The following NBEAL1 variants were observed in gnomAD, a reference collection of about 807,000 sequenced individuals.
NBEAL1 encodes neurobeachin like 1, also known as neurobeachin-like protein 1.
Under a neutral mutation model 351.3 loss-of-function variants are expected in NBEAL1, and 273 were observed. The observed-to-expected ratio is 0.78, with a 90% CI of 0.70 to 0.86. NBEAL1 has a LOEUF of 0.86. Ranked by LOEUF, NBEAL1 falls within the 40% of genes least tolerant of loss-of-function variation. The pLI is 0.00. For synonymous variants in NBEAL1, 1,050 were observed against 1,086.4 expected (o/e 0.97, Z 0.66); for missense variants, 2,961 against 3,201.3 (o/e 0.92, Z 1.81).
At chr2:203,083,580 A>G (rs1165914669) in intron 9 of NBEAL1, 55 bp downstream of exon 9, 11 of 1,340,626 alleles carry the variant, frequency 8.2e-6, no homozygotes, top group Non-Finnish European at 1.0e-5. Context: ...TTTCATATCT[A>G]CCACTTTCTT....
Position 203,157,745 on chromosome 2 carries a change from A to C in NBEAL1, c.5634A>C (p.Val1878=). The C allele has an allele frequency of 6.3e-7, 1 of 1,599,564 alleles. No individual in the cohort carries two copies. Among genetic ancestry groups the C allele is most frequent in the Non-Finnish European group, 8.5e-7 (1 of 1,173,482 alleles). The stretch of plus-strand genomic sequence containing the variant: ...CCAGTGATACATTGCTTTTGGAAGT[A>C]GTGAAACAAGTAAAAGTTAGTGATA... The part of the protein sequence containing the change: ...QPSSDTLLLE[V]VKQVKVSDMV... Residue 1878 remains valine, a synonymous_variant, in exon 36 of 56, where the codon GTA becomes GTC. Transcript: ENST00000683969.
chr2:203,201,475 A>G, intron 49 of NBEAL1, 68 bp from the exon 50 acceptor site: 4 of 1,276,554 alleles, frequency 3.1e-6, no homozygotes, highest in South Asian at 2.8e-5. Flanking sequence ...GAGAGGTTTA[A>G]AAAGAATAGT....
intron 2 of NBEAL1, among the ~76,000 whole-genome samples, chr2:203,036,797 AG>A (rs1483017214): frequency 1.3e-5 from 2 of 149,234 alleles, no homozygotes; most frequent in Non-Finnish European, 1.5e-5. Context: ...AATTTGAACC[AG>A]ATACTATAGA....
intron 8 of NBEAL1, among the ~76,000 whole-genome samples, chr2:203,080,361 G>A (rs2061851336): frequency 6.6e-6 from 1 of 152,040 alleles, no homozygotes; most frequent in African/African-American, 2.4e-5. Context: ...GCAGTGAGCC[G>A]AGATCGCACC....
intron 7 of NBEAL1, among the ~76,000 whole-genome samples, chr2:203,077,130 G>T (rs1203684783): frequency 2.6e-5 from 4 of 151,946 alleles, no homozygotes; most frequent in African/African-American, 9.7e-5. Context: ...CCTGACAAGG[G>T]GCCGGGTGTG....
At chr2:203,048,651 A>G (rs1255091769) in intron 3 of NBEAL1, among the ~76,000 whole-genome samples, 1 of 152,158 alleles carries the variant, frequency 6.6e-6, no homozygotes, top group East Asian at 1.9e-4. Flanking sequence ...CAAAGGTTAA[A>G]TGATCAGCTC....
At chr2:203,136,894 A>G (rs1260754363) in intron 29 of NBEAL1, 120 bp downstream of exon 29, 2 of 885,836 alleles carry the variant, frequency 2.3e-6, no homozygotes. Context: ...AAAAAGAGAA[A>G]CTTTGTGCTC....
At chr2:203,208,203 G>C (rs576813741) in intron 51 of NBEAL1, among the ~76,000 whole-genome samples, 1 of 152,014 alleles carries the variant, frequency 6.6e-6, no homozygotes, top group Non-Finnish European at 1.5e-5. Context: ...GGAGGATTAC[G>C]TGAGTCCAGG....
In NBEAL1 at chr2:203,059,236, A is replaced by G. The variant is rs190945773; in HGVS notation, c.515+1783A>G. Among the ~76,000 whole-genome samples, 256 of 152,386 alleles carry G rather than the reference A, an allele frequency of 1.7e-3. 1 individual carries two copies. The highest frequency in any genetic ancestry group is 6.8e-3 in the Middle Eastern group (2 of 294). ...AGTGATGTAATATTTTATTGAAATC[A>G]GAATACATCCTGGGAGATGGAGATT... On this transcript the variant is annotated intron_variant, in intron 6 of 55. Coordinates refer to ENST00000683969, the MANE Select transcript of NBEAL1 (RefSeq NM_001378026.1).
intron 23 of NBEAL1, among the ~76,000 whole-genome samples, 161 bp from the exon 24 acceptor site, chr2:203,127,620 G>T (rs922434971): frequency 2.6e-5 from 4 of 152,160 alleles, no homozygotes; most frequent in African/African-American, 9.7e-5. Context: ...TACTCAGGAG[G>T]CTGAGGCAGG....
At chr2:203,153,928 GT>G (rs542186085) in intron 35 of NBEAL1, among the ~76,000 whole-genome samples, 2 of 149,972 alleles carry the variant, frequency 1.3e-5, no homozygotes, top group African/African-American at 2.5e-5. Flanking sequence ...TGTTCTTTTT[GT>G]TTTTTTTTCT....
intron 40 of NBEAL1, 92 bp downstream of exon 40, chr2:203,172,115 A>G (rs549779473): frequency 1.7e-5 from 10 of 582,518 alleles, no homozygotes; most frequent in Non-Finnish European, 2.7e-5. Flanking sequence ...TTTATTTAAA[A>G]AATATAAAAA....
intron 2 of NBEAL1, among the ~76,000 whole-genome samples, chr2:203,021,310 C>G (rs1433194392): frequency 6.6e-6 from 1 of 150,672 alleles, no homozygotes; most frequent in African/African-American, 2.4e-5. Flanking sequence ...CTAAAGATTT[C>G]AGGGCAGGTG....
At chr2:203,176,503 T>A (rs940641114) in intron 42 of NBEAL1, among the ~76,000 whole-genome samples, 1 of 151,884 alleles carries the variant, frequency 6.6e-6, no homozygotes, top group Non-Finnish European at 1.5e-5. Flanking sequence ...GGTGGGTGGA[T>A]CACCTGAGGT....
chr2:203,119,715 C>T (rs746248112), intron 18 of NBEAL1, among the ~76,000 whole-genome samples: 8 of 152,026 alleles, frequency 5.3e-5, no homozygotes, highest in Non-Finnish European at 1.2e-4. Flanking sequence ...TGTGAGCCAC[C>T]GTGCCCGGCC....
At chr2:203,023,377 C>T (rs1046146841) in intron 2 of NBEAL1, among the ~76,000 whole-genome samples, 1 of 152,122 alleles carries the variant, frequency 6.6e-6, no homozygotes, top group African/African-American at 2.4e-5. Flanking sequence ...TAGTAGTTAC[C>T]ACTTACATGT....
chr2:203,134,684 C>T (rs941511380), intron 27 of NBEAL1, among the ~76,000 whole-genome samples: 21 of 152,120 alleles, frequency 1.4e-4, no homozygotes, highest in African/African-American at 4.6e-4. Context: ...TTTTTAAGAA[C>T]TTGTTTTTAT....
intron 2 of NBEAL1, among the ~76,000 whole-genome samples, chr2:203,039,490 G>A (rs776747824): frequency 1.4e-5 from 2 of 146,570 alleles, no homozygotes; most frequent in South Asian, 2.1e-4. Context: ...TGCAACCTCC[G>A]CCTCCTGGGT....
At chr2:203,018,161 A>C (rs993374436) in intron 2 of NBEAL1, among the ~76,000 whole-genome samples, 4 of 152,100 alleles carry the variant, frequency 2.6e-5, no homozygotes, top group Admixed American at 2.6e-4. Flanking sequence ...ATGACTACCA[A>C]ATACTGTACC....
Sources: allele counts gnomAD v4.1 joint callset (sites outside exome capture counted in the v4.1 genomes callset), GRCh38; gene constraint gnomAD v4.1.1; transcripts MANE v1.5; gene names NCBI Gene and HGNC (gene_info 2026-07-23, HGNC 2026-07-21).